Variants in HOXC6 observed in about 807,000 individuals in gnomAD.
HOXC6 encodes homeobox C6, also known as homeobox protein Hox-C6.
In HOXC6, 10 loss-of-function variants were observed where a neutral mutation model predicts 24.0. The ratio of observed to expected loss-of-function variants is 0.42; its 90% CI spans 0.26 to 0.71. HOXC6 has a LOEUF of 0.71. Ranked by LOEUF, HOXC6 falls within the 30% of genes least tolerant of loss-of-function variation. The probability of loss-of-function intolerance (pLI) is 0.28; values close to 1 mark genes in which losing one functional copy is unlikely to be tolerated. For synonymous variants in HOXC6, 123 were observed against 128.1 expected (o/e 0.96, Z 0.27); for missense variants, 258 against 303.4 (o/e 0.85, Z 1.11).
At chr12:54,026,260 C>A (rs1940692707), upstream of HOXC6, among the ~76,000 whole-genome samples, 1 of 152,090 alleles carries the variant, frequency 6.6e-6, no homozygotes, top group Admixed American at 6.5e-5. Flanking sequence ...CTAGCTCAGT[C>A]CCCAGAGTAC....
At chr12:54,029,392 C>G (rs1424270423) in intron 1 of HOXC6, among the ~76,000 whole-genome samples, 1 of 139,866 alleles carries the variant, frequency 7.1e-6, no homozygotes, top group Non-Finnish European at 1.5e-5. Context: ...TTTCTGTTTG[C>G]CTTTTGCCCC....
chr12:54,029,863 A>G lies in HOXC6; in HGVS notation c.609A>G (p.Thr203=), dbSNP rs369084398. ...AGTGGAAAAAAGAATCTAATCTCAC[A>G]TCCACTCTCTCGGGGGGCGGCGGAG... The part of the protein sequence containing the change: ...RMKWKKESNL[T]STLSGGGGGA... The change falls in exon 2 of 2, where the codon ACA becomes ACG. Residue 203 remains threonine, a synonymous_variant. Coordinates refer to ENST00000243108, the MANE Select transcript of HOXC6 (RefSeq NM_004503.4). 6.2e-7 allele frequency: 1 copy of G among 1,612,530 alleles called. No homozygotes were observed. Among genetic ancestry groups the G allele is most frequent in the Non-Finnish European group, 8.5e-7 (1 of 1,179,124 alleles).
At chr12:54,024,448 G>A (rs1356276584), upstream of HOXC6, among the ~76,000 whole-genome samples, 2 of 152,196 alleles carry the variant, frequency 1.3e-5, no homozygotes, top group South Asian at 2.1e-4. Flanking sequence ...AAACATCCGC[G>A]CAGAGTTAGG....
intron 1 of HOXC6, chr12:54,020,816 G>C (rs1172603759): frequency 6.6e-6 from 1 of 152,140 alleles, no homozygotes; most frequent in African/African-American, 2.4e-5. Context: ...TGCCATAAAG[G>C]CTTTCTCAGA....
At chr12:54,025,230 C>T (rs1940637752), upstream of HOXC6, among the ~76,000 whole-genome samples, 1 of 152,154 alleles carries the variant, frequency 6.6e-6, no homozygotes, top group African/African-American at 2.4e-5. Context: ...AACATCTGTT[C>T]TTGCTTCTGC....
chr12:54,021,265 G>T (rs531577496), intron 1 of HOXC6: 5 of 152,280 alleles, frequency 3.3e-5, no homozygotes, highest in African/African-American at 1.2e-4. Context: ...GTTCTCTAAG[G>T]TCCCCCAAAT....
At chr12:54,021,416 G>A (rs927398802) in intron 1 of HOXC6, 3 of 152,344 alleles carry the variant, frequency 2.0e-5, no homozygotes, top group African/African-American at 7.2e-5. Flanking sequence ...GGAGCACTGA[G>A]TATGGGCTAC....
chr12:54,025,536 GGGA>G (rs202053980), upstream of HOXC6, among the ~76,000 whole-genome samples: 15,517 of 55,236 alleles, frequency 0.28, 1,874 homozygotes, highest in East Asian at 0.44. Context: ...TTGGGGGGGG[GGGA>G]GGTGTTGAAA....
chr12:54,022,819 T>C (rs1481283204), intron 1 of HOXC6, among the ~76,000 whole-genome samples: 1 of 152,118 alleles, frequency 6.6e-6, no homozygotes, highest in Non-Finnish European at 1.5e-5. Flanking sequence ...TTCTTGAATT[T>C]TATAATTCTC....
upstream of HOXC6, among the ~76,000 whole-genome samples, chr12:54,023,782 G>A (rs540716140): frequency 1.4e-4 from 22 of 152,268 alleles, no homozygotes; most frequent in Admixed American, 4.6e-4. Context: ...TTGGAATGCG[G>A]TGTGTGTAGC....
At chr12:54,023,579 C>T (rs901928093), upstream of HOXC6, among the ~76,000 whole-genome samples, 1 of 152,188 alleles carries the variant, frequency 6.6e-6, no homozygotes, top group Non-Finnish European at 1.5e-5. Flanking sequence ...GGGCAGTTCT[C>T]AGCAGCTTAA....
chr12:54,030,208 G>T lies in HOXC6; in HGVS notation c.*246G>T, dbSNP rs949544340. The T allele has an allele frequency of 3.6e-5, 15 of 419,286 alleles. No homozygotes were observed. Among genetic ancestry groups the T allele is most frequent in the African/African-American group, 2.4e-4 (12 of 50,620 alleles). 26.0% of individuals were successfully genotyped at this position (419,286 alleles called of 1,614,324 possible). On this transcript the variant is annotated 3_prime_UTR_variant, in exon 2 of 2. Transcript: ENST00000243108. ...TAGCTCGTTCTCGGCTTGTCTACAG[G>T]CCCTTTTCCCCGTCCAGGCCTTGGG...
At chr12:54,029,189 C>G (rs1940870599) in intron 1 of HOXC6, among the ~76,000 whole-genome samples, 2 of 151,902 alleles carry the variant, frequency 1.3e-5, no homozygotes, top group Admixed American at 6.6e-5. Flanking sequence ...GGGGAGGGAG[C>G]AGAAGATAGG....
At position 54,030,093 on chromosome 12, in the gene HOXC6, T is replaced by G. The variant is rs965238815; in HGVS notation, c.*131T>G. ...GATTCCCTAAAACAAAATTAGGGAG[T>G]CAAACGTGGACCTGAAAGTCAGCTC... On this transcript the variant is annotated 3_prime_UTR_variant, in exon 2 of 2. Coordinates refer to ENST00000243108, the MANE Select transcript of HOXC6 (RefSeq NM_004503.4). 1 of 929,576 alleles carries G rather than the reference T, an allele frequency of 1.1e-6. No individual in the cohort carries two copies. The allele number at this position is 929,576 out of a possible 1,614,324, so 57.6% of individuals were successfully genotyped here.
intron 1 of HOXC6, among the ~76,000 whole-genome samples, chr12:54,019,141 C>A (rs1940304660): frequency 6.6e-6 from 1 of 150,804 alleles, no homozygotes; most frequent in African/African-American, 2.4e-5. Context: ...GGTATTCTCC[C>A]GCGGGAAGAA....
In HOXC6 at chr12:54,028,900, C is replaced by A. The variant is rs1940855257; in HGVS notation, c.379C>A (p.Gln127Lys). ...KASIQIYPWM[Q>K]RMNSHSGVGY... ...CAGTATCCAGATTTACCCCTGGATG[C>A]AGCGAATGAATTCGCACAGTGGTGA... The change falls in exon 1 of 2, where the codon CAG becomes AAG. Residue 127 changes from glutamine to lysine, a missense_variant. Transcript: ENST00000243108. 1 of 1,611,136 alleles carries A rather than the reference C, an allele frequency of 6.2e-7. No homozygotes were observed. The highest frequency in any genetic ancestry group is 1.7e-5 in the Admixed American group (1 of 59,940).
chr12:54,028,997 C>T, intron 1 of HOXC6, 76 bp downstream of exon 1: 1 of 1,423,738 alleles, frequency 7.0e-7, no homozygotes, highest in Non-Finnish European at 9.4e-7. Context: ...GAAGAACGGG[C>T]GGAGAGAGTT....
chr12:54,024,298 C>A (rs1940586280), upstream of HOXC6, among the ~76,000 whole-genome samples: 3 of 152,190 alleles, frequency 2.0e-5, no homozygotes. Context: ...GCACCCAGGC[C>A]AGGCGCTGAG....
At chr12:54,024,320 A>T (rs1940587465), upstream of HOXC6, among the ~76,000 whole-genome samples, 1 of 152,146 alleles carries the variant, frequency 6.6e-6, no homozygotes, top group Non-Finnish European at 1.5e-5. Flanking sequence ...CTGAGCACTG[A>T]GTCCTGAGGC....
Sources: gnomAD v4.1 joint callset for allele counts (sites outside exome capture counted in the v4.1 genomes callset) on GRCh38, gnomAD v4.1.1 for gene constraint, MANE v1.5 for transcripts, NCBI Gene and HGNC (gene_info 2026-07-23, HGNC 2026-07-21) for gene names.